BTBD17: variants seen among roughly 807,000 people sequenced by gnomAD.
BTBD17 encodes the protein BTB/POZ domain-containing protein 17.
BTBD17 carries 26 observed loss-of-function variants against 36.9 expected under a neutral mutation model. That is an observed-to-expected ratio of 0.70 (90% CI 0.52 to 0.98). The LOEUF is 0.98. Ranked by LOEUF, BTBD17 falls within the 50% of genes least tolerant of loss-of-function variation. BTBD17 has a pLI of 0.00. For missense variants in BTBD17, 630 were observed against 691.3 expected, an observed-to-expected ratio of 0.91 and a Z score of 0.99; for synonymous variants, 341 against 338.0, an observed-to-expected ratio of 1.01 and a Z score of -0.10.
In BTBD17 at chr17:74,361,829, C is replaced by A; in HGVS notation, c.-10G>T. 1 of 1,612,442 alleles carries A rather than the reference C, an allele frequency of 6.2e-7. No individual in the cohort carries two copies. Among genetic ancestry groups the A allele is most frequent in the South Asian group, 1.1e-5 (1 of 90,932 alleles). On this transcript the variant is annotated 5_prime_UTR_variant, in exon 1 of 3. Coordinates refer to ENST00000375366, the MANE Select transcript of BTBD17 (RefSeq NM_001080466.2). Reference sequence around the variant, plus strand: ...AGCCTCTCCTAGGCATCTTTATGCTCAGCCCCCAAGTCCACTGGAGGGACG... The same window carrying A: ...AGCCTCTCCTAGGCATCTTTATGCTAAGCCCCCAAGTCCACTGGAGGGACG...
intron 2 of BTBD17, among the ~76,000 whole-genome samples, chr17:74,358,051 G>A (rs2054911331): frequency 1.3e-5 from 2 of 152,190 alleles, no homozygotes; most frequent in African/African-American, 4.8e-5. Flanking sequence ...AGTCTGGTTG[G>A]GATCCATGGC....
At chr17:74,363,312 C>A (rs1027530290), upstream of BTBD17, among the ~76,000 whole-genome samples, 1 of 152,120 alleles carries the variant, frequency 6.6e-6, no homozygotes, top group Non-Finnish European at 1.5e-5. Context: ...TTGGAGCTCT[C>A]CAGCCCAGCG....
In BTBD17 at chr17:74,357,225, T is replaced by C; in HGVS notation, c.869A>G (p.Tyr290Cys). ...PAVADLLLQA[Y>C]QFHAASPLHY... is the part of the protein sequence containing the mutation. ...CAGCGGCGACGCGGCGTGGAACTGG[T>C]AGGCCTGCAGCAGGAGGTCGGCCAC... The change falls in exon 3 of 3, where the codon TAC (tyrosine) becomes TGC (cysteine). Residue 290 changes from tyrosine (Y) to cysteine (C), a missense_variant. By Grantham distance (194) the Tyr-to-Cys change is radical. Coordinates refer to ENST00000375366, the MANE Select transcript of BTBD17 (RefSeq NM_001080466.2). The surrounding 1 kb of genome is among the most constrained non-coding windows in gnomAD (Gnocchi z 8.4). 1 of 1,577,078 alleles carries C rather than the reference T, an allele frequency of 6.3e-7. No homozygotes were observed. The highest frequency in any genetic ancestry group is 8.6e-7 in the Non-Finnish European group (1 of 1,165,662).
rs904297934 is a variant in BTBD17 at position 74,358,372 on chromosome 17, C to T, written c.363-641G>A. 1.2e-4 allele frequency among the ~76,000 whole-genome samples: 18 copies of T among 151,604 alleles called. No individual in the cohort carries two copies. The East Asian group carries it at 1.9e-3, about 16-fold the overall frequency. On this transcript the variant is annotated intron_variant, in intron 2 of 2. Transcript: ENST00000375366. ...AACATTAGTCATGTGTGGTGGTGCA[C>T]GCTTGTAGTCCCAGCTGCCTGGGAG...
intron 2 of BTBD17, among the ~76,000 whole-genome samples, chr17:74,358,813 C>A (rs773816703): frequency 6.6e-6 from 1 of 152,294 alleles, no homozygotes; most frequent in Non-Finnish European, 1.5e-5. Flanking sequence ...CTCCCCTTTC[C>A]CCTGCGTGAT....
chr17:74,361,669 G>C (rs920151936), intron 1 of BTBD17, 66 bp downstream of exon 1: 2 of 1,387,766 alleles, frequency 1.4e-6, no homozygotes, highest in East Asian at 2.4e-5. Flanking sequence ...GGCCGGCCGC[G>C]TGCAGCCAGG....
intron 2 of BTBD17, among the ~76,000 whole-genome samples, chr17:74,359,135 G>GAGC (rs2054918187): frequency 6.6e-6 from 1 of 152,128 alleles, no homozygotes; most frequent in Non-Finnish European, 1.5e-5. Context: ...GAGGTGGAGA[G>GAGC]AGCCGTCTAA....
upstream of BTBD17, among the ~76,000 whole-genome samples, chr17:74,363,052 G>A (rs1386746500): frequency 6.6e-6 from 1 of 152,004 alleles, no homozygotes; most frequent in South Asian, 2.1e-4. Context: ...CCAGTTCTTC[G>A]TGGGAGGGAC....
chr17:74,359,827 G>T (rs754150419), intron 2 of BTBD17, 142 bp downstream of exon 2: 106 of 785,650 alleles, frequency 1.3e-4, no homozygotes, highest in Non-Finnish European at 2.1e-4. Context: ...AAGAAGGGAT[G>T]CAGGGGTCAC....
intron 2 of BTBD17, among the ~76,000 whole-genome samples, chr17:74,358,322 C>G (rs2054912463): frequency 6.6e-6 from 1 of 152,068 alleles, no homozygotes; most frequent in Non-Finnish European, 1.5e-5. Flanking sequence ...AAGACCCTAT[C>G]TCTACAAAAA....
At chr17:74,358,981 G>C (rs1200825785) in intron 2 of BTBD17, among the ~76,000 whole-genome samples, 2 of 152,142 alleles carry the variant, frequency 1.3e-5, no homozygotes, top group East Asian at 3.8e-4. Context: ...TTGCCCTTCT[G>C]TCTTATCCCC....
At position 74,359,671 on chromosome 17, in the gene BTBD17, G is replaced by A. The variant is rs533491379; in HGVS notation, c.362+298C>T. 3.5e-3 allele frequency among the ~76,000 whole-genome samples: 530 copies of A among 152,306 alleles called. 9 individuals carry two copies. The highest frequency in any genetic ancestry group is 0.028 in the Admixed American group (432 of 15,284). The stretch of plus-strand genomic sequence containing the variant: ...CCCAAATTGCTGGGATTACAGGCAT[G>A]AGCCACCGTGCCCGGCCCCAAAACT... On this transcript the variant is annotated intron_variant, in intron 2 of 2. Transcript: ENST00000375366.
Position 74,357,460 on chromosome 17 carries a change from G to GCTCGGGGCTCACGGCGCCCCA in BTBD17, c.613_633dup (p.Trp205_Glu211dup). Reference sequence around the variant, plus strand: ...GAGCGTTGCAGGAGCTGCCAGAGCAGCTCGGGGCTCACGGCGCCCCACTCG... The same window carrying GCTCGGGGCTCACGGCGCCCCA: ...GAGCGTTGCAGGAGCTGCCAGAGCAGCTCGGGGCTCACGGCGCCCCACTCGGGGCTCACGGCGCCCCACTCG... On this transcript the variant is annotated inframe_insertion, in exon 3 of 3. Coordinates refer to ENST00000375366, the MANE Select transcript of BTBD17 (RefSeq NM_001080466.2). The surrounding 1 kb of genome is among the most constrained non-coding windows in gnomAD (Gnocchi z 8.4). The GCTCGGGGCTCACGGCGCCCCA allele has an allele frequency of 1.9e-6, 3 of 1,578,940 alleles. No homozygotes were observed. In the South Asian group the frequency reaches 3.4e-5, roughly 18 times the overall value.
intron 2 of BTBD17, among the ~76,000 whole-genome samples, chr17:74,359,622 C>G (rs1355147907): frequency 6.6e-6 from 1 of 152,190 alleles, no homozygotes; most frequent in African/African-American, 2.4e-5. Context: ...CTCCTGACCT[C>G]AAGTGATCCA....
In BTBD17 at chr17:74,356,977, A is replaced by T; in HGVS notation, c.1117T>A (p.Tyr373Asn). The T allele has an allele frequency of 6.9e-7, 1 of 1,454,398 alleles. No individual in the cohort carries two copies. The highest frequency in any genetic ancestry group is 9.0e-7 in the Non-Finnish European group (1 of 1,114,002). The allele number at this position is 1,454,398 out of a possible 1,614,324, so 90.1% of individuals were successfully genotyped here. The change falls in exon 3 of 3, where the codon TAC becomes AAC. Residue 373 changes from tyrosine to asparagine, a missense_variant. By Grantham distance (143) the Tyr-to-Asn change is moderately radical. Transcript: ENST00000375366. The surrounding 1 kb of genome is among the most constrained non-coding windows in gnomAD (Gnocchi z 4.3). ...RWLPVSLRPV[Y>N]ADAAGTALPA... is the part of the protein sequence containing the mutation. ...AGAGCAGTGCCCGCGGCGTCCGCGT[A>T]AACGGGCCGCAGGCTGACGGGCAGC...
chr17:74,361,625 T>G, intron 1 of BTBD17, 110 bp downstream of exon 1: 1 of 817,732 alleles, frequency 1.2e-6, no homozygotes, highest in South Asian at 1.7e-5. Flanking sequence ...GTCCACCCCG[T>G]GCTCTCCCCA....
At chr17:74,362,965 CATGT>C (rs1366184086), upstream of BTBD17, among the ~76,000 whole-genome samples, 15 of 146,012 alleles carry the variant, frequency 1.0e-4, no homozygotes, top group African/African-American at 3.5e-4. Context: ...AGCGCGCGCG[CATGT>C]GTGTGTGTGT....
At position 74,359,599 on chromosome 17, in the gene BTBD17, G is replaced by T. The variant is rs549402056; in HGVS notation, c.362+370C>A. On this transcript the variant is annotated intron_variant, in intron 2 of 2. Transcript: ENST00000375366. ...AGACAGGGTTTCACCATGTTGGCCA[G>T]GCTGGTCTTGAACTCCTGACCTCAA... 1.8e-3 allele frequency among the ~76,000 whole-genome samples: 280 copies of T among 152,238 alleles called. 1 individual carries two copies. The highest frequency in any genetic ancestry group is 6.4e-3 in the African/African-American group (267 of 41,532).
In BTBD17 at chr17:74,360,512, G is replaced by C. The variant is rs111549664; in HGVS notation, c.86-267C>G. 2.4e-3 allele frequency among the ~76,000 whole-genome samples: 361 copies of C among 152,322 alleles called. 5 individuals are homozygous for C. Among genetic ancestry groups the C allele is most frequent in the African/African-American group, 8.3e-3 (343 of 41,572 alleles). ...GGAAGGGGGTGCATTCAGGCAGGGG[G>C]AGGTTGTGCTCAGGTTTAGGACAAC... On this transcript the variant is annotated intron_variant, in intron 1 of 2. Transcript: ENST00000375366.
Sources: gnomAD v4.1 joint callset for allele counts (sites outside exome capture counted in the v4.1 genomes callset) on GRCh38, gnomAD v4.1.1 for gene constraint, Gnocchi (gnomAD v3.1) non-coding constraint, MANE v1.5 for transcripts, NCBI Gene and HGNC (gene_info 2026-07-23, HGNC 2026-07-21) for gene names.